Variants in CDH13 observed in about 807,000 individuals in gnomAD.
CDH13 encodes the protein cadherin-13.
A neutral mutation model predicts 63.8 loss-of-function variants in CDH13; 24 were observed. The observed-to-expected ratio is 0.38, with a 90% CI of 0.27 to 0.53. The LOEUF is 0.53. Among genes scored for constraint, CDH13 ranks in the 20% least tolerant of loss-of-function variants. CDH13 has a pLI of 0.85. For missense variants in CDH13, 1,049 were observed against 903.1 expected (o/e 1.16, Z -2.07); for synonymous variants, 503 against 355.3 (o/e 1.42, Z -4.67).
At chr16:83,343,861 AGG>A (rs1050396287) in intron 5 of CDH13, among the ~76,000 whole-genome samples, 2 of 152,208 alleles carry the variant, frequency 1.3e-5, no homozygotes, top group East Asian at 3.8e-4. Context: ...AAAGATCCAA[AGG>A]GTTGTTATGA....
intron 4 of CDH13, among the ~76,000 whole-genome samples, chr16:83,138,006 C>A (rs142530249): frequency 1.1e-3 from 167 of 152,068 alleles, no homozygotes; most frequent in African/African-American, 3.9e-3. Context: ...GGAACAGTCC[C>A]TCCTGGGTAT....
chr16:83,452,024 C>T lies in CDH13; in HGVS notation c.782-34453C>T, dbSNP rs569896488. Among the ~76,000 whole-genome samples the T allele has an allele frequency of 9.1e-4, 138 of 152,240 alleles. 1 individual carries two copies. The highest frequency in any genetic ancestry group is 1.6e-3 in the Non-Finnish European group (108 of 68,030). ...GTCAGGACTGATATTTCTGATTTTT[C>T]CTTTGTGCCAAATTGAGCCTCATCT... On this transcript the variant is annotated intron_variant, in intron 6 of 13. Transcript: ENST00000567109.
intron 2 of CDH13, among the ~76,000 whole-genome samples, chr16:83,016,293 C>G (rs773144345): frequency 1.4e-4 from 21 of 152,224 alleles, no homozygotes; most frequent in Non-Finnish European, 3.1e-4. Context: ...GTCTTGTCAA[C>G]TAGACAGAAC....
At chr16:83,069,920 G>T (rs1453077125) in intron 3 of CDH13, among the ~76,000 whole-genome samples, 1 of 152,160 alleles carries the variant, frequency 6.6e-6, no homozygotes, top group African/African-American at 2.4e-5. Flanking sequence ...ACAGAAATCG[G>T]CAATCAGTGT....
At chr16:83,763,943 C>G (rs145250901) in intron 11 of CDH13, among the ~76,000 whole-genome samples, 116 of 152,268 alleles carry the variant, frequency 7.6e-4, no homozygotes, top group African/African-American at 2.6e-3. Context: ...GAGTTCAGCT[C>G]CGCATCTTAG....
At chr16:83,350,279 C>G (rs562177644) in intron 6 of CDH13, among the ~76,000 whole-genome samples, 2 of 152,342 alleles carry the variant, frequency 1.3e-5, no homozygotes, top group East Asian at 1.9e-4. Context: ...GGCAGCCCCC[C>G]ACCCTGGACG....
intron 1 of CDH13, among the ~76,000 whole-genome samples, chr16:82,681,647 C>T (rs2150961470): frequency 6.6e-6 from 1 of 152,320 alleles, no homozygotes; most frequent in South Asian, 2.1e-4. Flanking sequence ...CTCCTGGTGC[C>T]CCCGTTGCAT....
At chr16:83,354,388 A>G (rs1412739224) in intron 6 of CDH13, among the ~76,000 whole-genome samples, 1 of 152,208 alleles carries the variant, frequency 6.6e-6, no homozygotes, top group African/African-American at 2.4e-5. Context: ...AATTCATTCA[A>G]CAAGTATTTA....
rs537017569 is a variant in CDH13, at chr16:83,142,382, G to A, written c.483+16881G>A. Among the ~76,000 whole-genome samples, 20 of 152,022 alleles carry A rather than the reference G, an allele frequency of 1.3e-4. No individual in the cohort carries two copies. In the East Asian group the frequency reaches 1.6e-3, roughly 12 times the overall value. On this transcript the variant is annotated intron_variant, in intron 4 of 13. Transcript: ENST00000567109. ...TTGCCATGTTGGCCAGGCTGGTCTC[G>A]AATTTCTGTCCTCAGGACCCACCTG...
intron 4 of CDH13, among the ~76,000 whole-genome samples, chr16:83,154,164 T>C (rs1402290048): frequency 6.6e-6 from 1 of 152,124 alleles, no homozygotes; most frequent in Admixed American, 6.6e-5. Context: ...GCCACCTTTG[T>C]CGTTTGCCAT....
Position 83,550,011 on chromosome 16 carries a change from C to A in CDH13, c.961-52443C>A, listed in dbSNP as rs1417274378. Among the ~76,000 whole-genome samples, 5 of 152,268 alleles carry A rather than the reference C, an allele frequency of 3.3e-5. No individual in the cohort carries two copies. The Middle Eastern group carries it at 0.01, about 311-fold the overall frequency. On this transcript the variant is annotated intron_variant, in intron 7 of 13. Transcript: ENST00000567109. ...ACAGGGTTTGCCAAACTTGGCTGAC[C>A]AAGCCAAAAACACTAATTAGCAGCA...
At chr16:83,446,843 T>C (rs761413910) in intron 6 of CDH13, among the ~76,000 whole-genome samples, 5 of 152,032 alleles carry the variant, frequency 3.3e-5, no homozygotes, top group African/African-American at 7.2e-5. Flanking sequence ...AAGCTTATCC[T>C]TTTGGGGGGC....
chr16:82,683,166 G>A (rs536057677), intron 1 of CDH13, among the ~76,000 whole-genome samples: 3 of 152,206 alleles, frequency 2.0e-5, no homozygotes, highest in African/African-American at 4.8e-5. Context: ...AGAAGATGTC[G>A]CCCTGGTGTG....
At chr16:83,138,045 A>G (rs1299664463) in intron 4 of CDH13, among the ~76,000 whole-genome samples, 1 of 151,954 alleles carries the variant, frequency 6.6e-6, no homozygotes, top group African/African-American at 2.4e-5. Flanking sequence ...TGCAACCAGT[A>G]ATGGAGGAGA....
chr16:83,289,808 T>C (rs1445213028), intron 5 of CDH13, among the ~76,000 whole-genome samples: 1 of 152,246 alleles, frequency 6.6e-6, no homozygotes, highest in Admixed American at 6.5e-5. Flanking sequence ...ATGTCTATCA[T>C]ACAGTTAGCC....
chr16:82,661,198 T>C (rs962361731), intron 1 of CDH13, among the ~76,000 whole-genome samples: 1 of 152,186 alleles, frequency 6.6e-6, no homozygotes, highest in Non-Finnish European at 1.5e-5. Context: ...CTAGTGAGGT[T>C]GGCTTCAAGC....
At chr16:83,417,593 G>GCAAACAA (rs2071587955) in intron 6 of CDH13, among the ~76,000 whole-genome samples, 1 of 152,190 alleles carries the variant, frequency 6.6e-6, no homozygotes, top group African/African-American at 2.4e-5. Context: ...AGGCAGAGAT[G>GCAAACAA]TTGCAGCAAA....
At chr16:83,198,355 T>A (rs2038935368) in intron 4 of CDH13, among the ~76,000 whole-genome samples, 1 of 144,016 alleles carries the variant, frequency 6.9e-6, no homozygotes, top group Non-Finnish European at 1.5e-5. Context: ...ACACACACAA[T>A]CATGACCAGC....
rs1267902105 is a variant in CDH13, at chr16:83,039,365, A to G, written c.366+7147A>G. On this transcript the variant is annotated intron_variant, in intron 3 of 13. Coordinates refer to ENST00000567109, the MANE Select transcript of CDH13 (RefSeq NM_001257.5). ...TCAAGTCTCATTCCTGCTCATCTCT[A>G]AGTGGCTTGACCTGCGGAATTGTCA... Among the ~76,000 whole-genome samples the G allele has an allele frequency of 2.0e-5, 3 of 152,066 alleles. No individual in the cohort carries two copies. The East Asian group carries it at 5.8e-4, about 29-fold the overall frequency.
Sources: allele counts gnomAD v4.1 joint callset (sites outside exome capture counted in the v4.1 genomes callset), GRCh38; gene constraint gnomAD v4.1.1; transcripts MANE v1.5; gene names NCBI Gene and HGNC (gene_info 2026-07-23, HGNC 2026-07-21).